The following LCA5L variants were observed in gnomAD, a reference collection of about 807,000 sequenced individuals.
LCA5L encodes the protein lebercilin LCA5 like, also known as lebercilin-like protein.
LCA5L carries 35 observed loss-of-function variants against 45.4 expected under a neutral mutation model. The observed-to-expected ratio is 0.77, with a 90% CI of 0.59 to 1.02. LCA5L has a LOEUF of 1.02. Ranked by LOEUF, LCA5L falls within the 50% of genes least tolerant of loss-of-function variation. The pLI is 0.00. For synonymous variants in LCA5L, 233 were observed against 264.7 expected, an observed-to-expected ratio of 0.88 and a Z score of 1.16; for missense variants, 668 against 761.6, an observed-to-expected ratio of 0.88 and a Z score of 1.45.
chr21:39,434,647 A>G (rs561369567), intron 3 of LCA5L, among the ~76,000 whole-genome samples: 23 of 152,104 alleles, frequency 1.5e-4, no homozygotes, highest in African/African-American at 5.5e-4. Context: ...CCTTTCATTT[A>G]GCTGGGATTA....
chr21:39,411,610 G>T, intron 8 of LCA5L, 108 bp downstream of exon 8: 1 of 524,238 alleles, frequency 1.9e-6, no homozygotes. Flanking sequence ...GTATTTTAAT[G>T]CCTAATGAAG....
intron 1 of LCA5L, among the ~76,000 whole-genome samples, chr21:39,444,926 A>T (rs2077285514): frequency 6.6e-6 from 1 of 152,084 alleles, no homozygotes; most frequent in Non-Finnish European, 1.5e-5. Flanking sequence ...CCAAGTAGGG[A>T]TGTGGCAGGC....
At chr21:39,428,891 G>C (rs2075332823) in intron 4 of LCA5L, among the ~76,000 whole-genome samples, 1 of 151,882 alleles carries the variant, frequency 6.6e-6, no homozygotes. Context: ...TGGGATTACA[G>C]GCGTGAGCCA....
chr21:39,416,955 C>T (rs1365006178), intron 7 of LCA5L, among the ~76,000 whole-genome samples: 1 of 152,222 alleles, frequency 6.6e-6, no homozygotes, highest in Non-Finnish European at 1.5e-5. Flanking sequence ...TCTGCAGGTT[C>T]TGCATCCCGC....
Position 39,405,886 on chromosome 21 carries a change from ATAAT to A in LCA5L, c.2005_2008del (p.Ile669PhefsTer25), listed in dbSNP as rs2039012486. ...GCATTAGGATATTGATTATATTTAA[ATAAT>A]TATTTTTCTTTTTCCTTCTGTAGGT... On this transcript the variant is annotated frameshift_variant, in exon 11 of 11. Coordinates refer to ENST00000288350, the MANE Select transcript of LCA5L (RefSeq NM_152505.4). LOFTEE classifies it high-confidence loss of function. The A allele has an allele frequency of 6.4e-7, 1 of 1,570,678 alleles. No individual in the cohort carries two copies. The highest frequency in any genetic ancestry group is 8.7e-7 in the Non-Finnish European group (1 of 1,150,154).
intron 5 of LCA5L, among the ~76,000 whole-genome samples, chr21:39,423,735 C>G (rs2074137169): frequency 6.6e-6 from 1 of 152,156 alleles, no homozygotes; most frequent in African/African-American, 2.4e-5. Context: ...TATTTTATAG[C>G]TGGAGATTTT....
chr21:39,432,524 G>T (rs913071355), intron 3 of LCA5L, among the ~76,000 whole-genome samples: 1 of 152,076 alleles, frequency 6.6e-6, no homozygotes, highest in African/African-American at 2.4e-5. Flanking sequence ...TTTTATTGAG[G>T]TATCAAAGAA....
chr21:39,430,125 T>C (rs1003228654), intron 3 of LCA5L, among the ~76,000 whole-genome samples: 4 of 152,188 alleles, frequency 2.6e-5, no homozygotes, highest in African/African-American at 9.6e-5. Context: ...CTCATAGCCT[T>C]GCCTGTCCTT....
intron 3 of LCA5L, among the ~76,000 whole-genome samples, chr21:39,434,541 G>A (rs965348251): frequency 6.6e-5 from 10 of 152,118 alleles, no homozygotes; most frequent in South Asian, 6.2e-4. Context: ...CTTTTGAGAC[G>A]GGGTCTTACT....
intron 5 of LCA5L, among the ~76,000 whole-genome samples, chr21:39,425,047 ATATG>A (rs1410455540): frequency 2.6e-5 from 4 of 152,220 alleles, no homozygotes; most frequent in Non-Finnish European, 2.9e-5. Flanking sequence ...ATATAGAGGT[ATATG>A]TATGTGTGCA....
Position 39,406,631 on chromosome 21 carries a change from C to T in LCA5L, c.1283-19G>A. 2 of 1,528,152 alleles carry T rather than the reference C, an allele frequency of 1.3e-6. No homozygotes were observed. The highest frequency in any genetic ancestry group is 2.3e-5 in the East Asian group (1 of 44,404). 94.7% of individuals were successfully genotyped at this position (1,528,152 alleles called of 1,614,324 possible). A position where few individuals can be genotyped will look rare whatever the true frequency, so the allele number is the denominator to read the frequency against. On this transcript the variant is annotated intron_variant, in intron 10 of 10. Coordinates refer to ENST00000288350, the MANE Select transcript of LCA5L (RefSeq NM_152505.4). ...GATAAATCTATATTAGAAAAATAGGCAATTTAGTGCTGTTTAAAATGAATG... is the reference window on the plus strand; with the variant it reads ...GATAAATCTATATTAGAAAAATAGGTAATTTAGTGCTGTTTAAAATGAATG...
In LCA5L at chr21:39,410,303, C is replaced by CT; in HGVS notation, c.1124dup (p.Thr377AsnfsTer12). The CT allele has an allele frequency of 6.2e-7, 1 of 1,610,768 alleles. No individual in the cohort carries two copies. Among genetic ancestry groups the CT allele is most frequent in the Non-Finnish European group, 8.5e-7 (1 of 1,178,972 alleles). ...GTGGAACATCTGATTTTTGGGTTCCCTGGTGTCTCATACTTGTGAATGGCA... is the reference window on the plus strand; with the variant it reads ...GTGGAACATCTGATTTTTGGGTTCCCTTGGTGTCTCATACTTGTGAATGGCA... On this transcript the variant is annotated frameshift_variant, in exon 9 of 11. Transcript: ENST00000288350. LOFTEE classifies it high-confidence loss of function.
chr21:39,409,536 G>C lies in LCA5L; in HGVS notation c.1282+443C>G, dbSNP rs1319043240. On this transcript the variant is annotated intron_variant, in intron 10 of 10. Coordinates refer to ENST00000288350, the MANE Select transcript of LCA5L (RefSeq NM_152505.4). The surrounding 1 kb of genome is among the most constrained non-coding windows in gnomAD (Gnocchi z 4.2). ...GGAGTACTCATCCACTGTTTCTTAA[G>C]CAGGCTACTGGGTACATAGGTGTTC... is the stretch of plus-strand genomic sequence containing the variant. Among the ~76,000 whole-genome samples, 2 of 152,136 alleles carry C rather than the reference G, an allele frequency of 1.3e-5. No individual in the cohort carries two copies. Among genetic ancestry groups the C allele is most frequent in the African/African-American group, 4.8e-5 (2 of 41,432 alleles).
intron 10 of LCA5L, 71 bp from the exon 11 acceptor site, chr21:39,406,683 A>G (rs2039116608): frequency 1.6e-6 from 2 of 1,227,774 alleles, no homozygotes; most frequent in African/African-American, 3.0e-5. Flanking sequence ...TGGCATGTCT[A>G]GTACACTTAC....
chr21:39,414,734 CTCTCTCTCTG>C (rs1000721147), intron 7 of LCA5L, among the ~76,000 whole-genome samples: 9 of 103,272 alleles, frequency 8.7e-5, no homozygotes, highest in East Asian at 4.9e-4. Flanking sequence ...CTCTCTCTCT[CTCTCTCTCTG>C]TGTGTGTGTG....
chr21:39,415,764 C>A (rs2041028750), intron 7 of LCA5L, among the ~76,000 whole-genome samples: 1 of 152,132 alleles, frequency 6.6e-6, no homozygotes, highest in Admixed American at 6.6e-5. Context: ...TCACTCTCAC[C>A]TCTTATTTTT....
intron 2 of LCA5L, chr21:39,439,859 G>A (rs1442932461): frequency 6.6e-6 from 1 of 152,138 alleles, no homozygotes; most frequent in African/African-American, 2.4e-5. Flanking sequence ...ATTAATTAGA[G>A]CTAACAAATT....
In LCA5L at chr21:39,423,226, A is replaced by T; in HGVS notation, c.587T>A (p.Leu196Gln). The T allele has an allele frequency of 6.2e-7, 1 of 1,611,212 alleles. No homozygotes were observed. Among genetic ancestry groups the T allele is most frequent in the South Asian group, 1.1e-5 (1 of 89,822 alleles). ...CTGATGTTTAGCCATAATTTGAGGT[A>T]GATTATTTTGTGAATTCTCATATTT... ...IGKYENSQNNLPQIMAKHQNE... is the reference protein window; with the variant it reads ...IGKYENSQNNQPQIMAKHQNE... The change falls in exon 6 of 11, where the codon CTA becomes CAA. Residue 196 changes from leucine (L) to glutamine (Q), a missense_variant. Coordinates refer to ENST00000288350, the MANE Select transcript of LCA5L (RefSeq NM_152505.4).
intron 3 of LCA5L, among the ~76,000 whole-genome samples, chr21:39,432,800 C>T (rs2205199): frequency 0.055 from 8,440 of 152,148 alleles, 497 homozygotes; most frequent in African/African-American, 0.15. Context: ...TTTCACTCAG[C>T]ATTATTATTA....
Sources: gnomAD v4.1 joint callset for allele counts (sites outside exome capture counted in the v4.1 genomes callset) on GRCh38, gnomAD v4.1.1 for gene constraint, Gnocchi (gnomAD v3.1) non-coding constraint, MANE v1.5 for transcripts, NCBI Gene and HGNC (gene_info 2026-07-23, HGNC 2026-07-21) for gene names.